Variants in ROBO1 observed in about 807,000 individuals in gnomAD.
The protein encoded by ROBO1 is roundabout homolog 1.
Under a neutral mutation model 195.9 loss-of-function variants are expected in ROBO1, and 149 were observed. The ratio of observed to expected loss-of-function variants is 0.76; its 90% CI spans 0.67 to 0.87. The LOEUF (loss-of-function observed/expected upper bound fraction) is 0.87. ROBO1 is among the 40% of genes least tolerant of loss of function. The pLI, the probability that ROBO1 is intolerant of heterozygous loss-of-function variation, is 0.00. For synonymous variants in ROBO1, 816 were observed against 733.2 expected, an observed-to-expected ratio of 1.11 and a Z score of -1.82; for missense variants, 1,933 against 2,068.3, an observed-to-expected ratio of 0.93 and a Z score of 1.27.
chr3:78,882,977 T>A, intron 4 of ROBO1, among the ~76,000 whole-genome samples: 1 of 151,956 alleles, frequency 6.6e-6, no homozygotes, highest in East Asian at 1.9e-4. Context: ...CACACCAGGC[T>A]AATTTTTGTA....
intron 1 of ROBO1, among the ~76,000 whole-genome samples, chr3:79,663,628 G>T (rs377532310): frequency 6.6e-6 from 1 of 152,000 alleles, no homozygotes; most frequent in African/African-American, 2.4e-5. Flanking sequence ...GGTTATAGGT[G>T]CATGTTGCCA....
intron 4 of ROBO1, among the ~76,000 whole-genome samples, chr3:78,761,619 GT>G (rs2083107439): frequency 6.6e-6 from 1 of 152,094 alleles, no homozygotes; most frequent in Non-Finnish European, 1.5e-5. Flanking sequence ...TGACTTACAT[GT>G]ACTACAAGTT....
chr3:79,649,265 G>A (rs1560068769), intron 1 of ROBO1, among the ~76,000 whole-genome samples: 1 of 151,988 alleles, frequency 6.6e-6, no homozygotes, highest in East Asian at 1.9e-4. Flanking sequence ...CAAAAAAGTG[G>A]CAAATAAACC....
chr3:78,963,407 C>A, intron 3 of ROBO1, among the ~76,000 whole-genome samples: 1 of 144,886 alleles, frequency 6.9e-6, no homozygotes, highest in East Asian at 2.1e-4. Flanking sequence ...GGATCAGAGA[C>A]TCTTTACCTC....
At chr3:78,866,710 A>T (rs1277789342) in intron 4 of ROBO1, among the ~76,000 whole-genome samples, 1 of 152,186 alleles carries the variant, frequency 6.6e-6, no homozygotes, top group Non-Finnish European at 1.5e-5. Context: ...ATCCTTGGGG[A>T]ATACAGACAC....
At chr3:78,638,636 G>A (rs542282579) in intron 22 of ROBO1, among the ~76,000 whole-genome samples, 1 of 152,242 alleles carries the variant, frequency 6.6e-6, no homozygotes, top group East Asian at 1.9e-4. Context: ...TTGGGAGGCT[G>A]AGGCAGGAGG....
chr3:79,054,315 G>C (rs2078761499), intron 3 of ROBO1, among the ~76,000 whole-genome samples: 1 of 152,142 alleles, frequency 6.6e-6, no homozygotes, highest in Non-Finnish European at 1.5e-5. Flanking sequence ...ACAAGGTCAT[G>C]CTGAACTATA....
At chr3:79,303,464 C>T (rs1034498156) in intron 2 of ROBO1, among the ~76,000 whole-genome samples, 1 of 151,960 alleles carries the variant, frequency 6.6e-6, no homozygotes, top group Admixed American at 6.6e-5. Context: ...CTGTGCCTGG[C>T]CTAGTTATCA....
intron 2 of ROBO1, among the ~76,000 whole-genome samples, chr3:79,162,669 C>T (rs985889556): frequency 3.9e-5 from 6 of 152,236 alleles, no homozygotes; most frequent in African/African-American, 4.8e-5. Flanking sequence ...CTTACGTTTG[C>T]ACCAACATAA....
chr3:78,960,824 AC>A (rs2041303935), intron 3 of ROBO1, among the ~76,000 whole-genome samples: 2 of 150,360 alleles, frequency 1.3e-5, no homozygotes, highest in Non-Finnish European at 3.0e-5. Flanking sequence ...ACACACACAC[AC>A]ACACACACAA....
At position 78,597,239 on chromosome 3, in the gene ROBO1, T is replaced by C. The variant is rs1214934880; in HGVS notation, c.*1674A>G. On this transcript the variant is annotated 3_prime_UTR_variant, in exon 31 of 31. Coordinates refer to ENST00000464233, the MANE Select transcript of ROBO1 (RefSeq NM_002941.4). ...AAGAAATCAACACAAGAAAGAAAGA[T>C]GTATTTGAGAACATTTTTAATAAAT... 1.3e-5 allele frequency: 2 copies of C among 152,564 alleles called. No individual in the cohort carries two copies. The highest frequency in any genetic ancestry group is 2.9e-5 in the Non-Finnish European group (2 of 67,988). The allele number at this position is 152,564 out of a possible 1,614,324, so 9.5% of individuals were successfully genotyped here.
Position 78,711,394 on chromosome 3 carries a change from CCTTCCTTTCTTT to C in ROBO1, c.1045+2991_1045+3002del, listed in dbSNP as rs2081722719. On this transcript the variant is annotated intron_variant, in intron 8 of 30. Transcript: ENST00000464233. ...TCCTTCCTTCCTTCCTTCCTTCCTT[CCTTCCTTTCTTT>C]CTTTCTTTCTTTCTTTCTTTCTTTC... Among the ~76,000 whole-genome samples, 4 of 36,374 alleles carry C rather than the reference CCTTCCTTTCTTT, an allele frequency of 1.1e-4. 1 individual carries two copies. Among genetic ancestry groups the C allele is most frequent in the African/African-American group, 3.4e-4 (4 of 11,780 alleles). 23.9% of individuals were successfully genotyped at this position (36,374 alleles called of 152,430 possible). A position where few individuals can be genotyped will look rare whatever the true frequency, so the allele number is the denominator to read the frequency against.
At chr3:79,554,563 A>G (rs1275807986) in intron 2 of ROBO1, among the ~76,000 whole-genome samples, 1 of 152,084 alleles carries the variant, frequency 6.6e-6, no homozygotes, top group African/African-American at 2.4e-5. Flanking sequence ...GCTATGATCC[A>G]TATCTTGGCA....
At chr3:79,597,173 C>T (rs1014717315) in intron 1 of ROBO1, among the ~76,000 whole-genome samples, 2 of 151,378 alleles carry the variant, frequency 1.3e-5, no homozygotes, top group Non-Finnish European at 3.0e-5. Context: ...TAATCTACAC[C>T]TACTCTAGAG....
intron 3 of ROBO1, among the ~76,000 whole-genome samples, chr3:79,104,085 C>T (rs553808438): frequency 2.6e-5 from 4 of 151,712 alleles, no homozygotes; most frequent in Non-Finnish European, 4.4e-5. Flanking sequence ...GTTTTATCTC[C>T]GACCTAGGGA....
intron 2 of ROBO1, among the ~76,000 whole-genome samples, chr3:79,204,096 G>A (rs539560278): frequency 1.3e-5 from 2 of 152,064 alleles, no homozygotes; most frequent in East Asian, 1.9e-4. Context: ...ATTTATGTAC[G>A]ATAGTTGTAC....
chr3:78,608,950 C>G lies in ROBO1; in HGVS notation c.4436-1909G>C, dbSNP rs62260372. On this transcript the variant is annotated intron_variant, in intron 28 of 30. Transcript: ENST00000464233. ...GTTTTAAAAAAGTGAATAGGAGGAG[C>G]CTTTGGAGTATCAAAATAGAAAGGT... is the stretch of plus-strand genomic sequence containing the variant. Among the ~76,000 whole-genome samples the G allele has an allele frequency of 9.5e-3, 1,446 of 151,974 alleles. 8 individuals are homozygous for G. Among genetic ancestry groups the G allele is most frequent in the Non-Finnish European group, 0.014 (970 of 67,964 alleles).
At chr3:79,118,982 T>C (rs536268184) in intron 3 of ROBO1, among the ~76,000 whole-genome samples, 1 of 152,292 alleles carries the variant, frequency 6.6e-6, no homozygotes, top group Admixed American at 6.5e-5. Flanking sequence ...TAAGTTCAGA[T>C]ACTGCTTTTC....
intron 3 of ROBO1, among the ~76,000 whole-genome samples, chr3:79,021,684 G>A (rs140971418): frequency 0.025 from 3,459 of 137,034 alleles, 161 homozygotes; most frequent in African/African-American, 0.091. Context: ...TTTTAGAGAC[G>A]GAGTCTGTCT....
Sources: gnomAD v4.1 joint callset for allele counts (sites outside exome capture counted in the v4.1 genomes callset) on GRCh38, gnomAD v4.1.1 for gene constraint, MANE v1.5 for transcripts, NCBI Gene and HGNC (gene_info 2026-07-23, HGNC 2026-07-21) for gene names.